Variants in PPFIA4 observed in about 807,000 individuals in gnomAD.
PPFIA4 encodes the protein PPFI scaffold protein A4.
Under a neutral mutation model 145.7 loss-of-function variants are expected in PPFIA4, and 98 were observed. That is an observed-to-expected ratio of 0.67 (90% CI 0.57 to 0.80). The LOEUF (loss-of-function observed/expected upper bound fraction) is 0.80. Ranked by LOEUF, PPFIA4 falls within the 30% of genes least tolerant of loss-of-function variation. The pLI, the probability that PPFIA4 is intolerant of heterozygous loss-of-function variation, is 0.00. For synonymous variants in PPFIA4, 628 were observed against 649.6 expected (o/e 0.97, Z 0.51); for missense variants, 1,457 against 1,632.7 (o/e 0.89, Z 1.85).
At chr1:203,064,044 G>GC in intron 25 of PPFIA4, 41 bp downstream of exon 25, 1 of 1,590,748 alleles carries the variant, frequency 6.3e-7, no homozygotes, top group Non-Finnish European at 8.6e-7. Flanking sequence ...CCTCGTGGGG[G>GC]CCTCCCCTAG....
rs189892686 is a variant in PPFIA4, at chr1:203,027,084, C to T, written c.-400+455C>T. On this transcript the variant is annotated intron_variant, in intron 1 of 29. Coordinates refer to ENST00000295706, the MANE Select transcript of PPFIA4 (RefSeq NM_001304331.2). Reference sequence around the variant, plus strand: ...GGGTCTTAATCTTTCCCGAGTTGCTCATAGCACCCCTGTTCCTGTCGCTAG... The same window carrying T: ...GGGTCTTAATCTTTCCCGAGTTGCTTATAGCACCCCTGTTCCTGTCGCTAG... 3.3e-3 allele frequency among the ~76,000 whole-genome samples: 501 copies of T among 152,346 alleles called. 2 individuals carry two copies. The highest frequency in any genetic ancestry group is 0.011 in the African/African-American group (476 of 41,584).
chr1:203,048,470 G>C lies in PPFIA4; in HGVS notation c.1225-113G>C. 6.7e-7 allele frequency: 1 copy of C among 1,499,426 alleles called. No individual in the cohort carries two copies. Among genetic ancestry groups the C allele is most frequent in the Non-Finnish European group, 9.0e-7 (1 of 1,105,462 alleles). 92.9% of individuals were successfully genotyped at this position (1,499,426 alleles called of 1,614,324 possible). A position where few individuals can be genotyped will look rare whatever the true frequency, so the allele number is the denominator to read the frequency against. On this transcript the variant is annotated intron_variant, in intron 10 of 29. Coordinates refer to ENST00000295706, the MANE Select transcript of PPFIA4 (RefSeq NM_001304331.2). The surrounding 1 kb of genome is among the most constrained non-coding windows in gnomAD (Gnocchi z 5.8). ...GAAGGGGGAGGTGGTCAGGAGACTG[G>C]AGAGAGTGGCTCCCAGAGGATGAGA...
chr1:203,036,296 G>A (rs567814687), intron 1 of PPFIA4, among the ~76,000 whole-genome samples: 1 of 152,306 alleles, frequency 6.6e-6, no homozygotes, highest in East Asian at 1.9e-4. Context: ...CTCAGTAGGT[G>A]ATAACAAGCC....
At chr1:203,058,415 G>T (rs1355273088) in intron 19 of PPFIA4, among the ~76,000 whole-genome samples, 2 of 152,178 alleles carry the variant, frequency 1.3e-5, no homozygotes, top group African/African-American at 4.8e-5. Context: ...GGGGTGAGGG[G>T]AGTTGTGGAG....
Position 203,060,499 on chromosome 1 carries a change from G to T in PPFIA4, c.2784+82G>T. ...AAGGTCTCCTGTTGGGCTTTGGGAA[G>T]ATGGCAGCATTGAGCCCTGCCCCTT... On this transcript the variant is annotated intron_variant, in intron 22 of 29. Transcript: ENST00000295706. The surrounding 1 kb of genome is among the most constrained non-coding windows in gnomAD (Gnocchi z 4.8). The T allele has an allele frequency of 6.9e-7, 1 of 1,448,374 alleles. No individual in the cohort carries two copies. Among genetic ancestry groups the T allele is most frequent in the Non-Finnish European group, 9.5e-7 (1 of 1,048,558 alleles). 89.7% of individuals were successfully genotyped at this position (1,448,374 alleles called of 1,614,324 possible).
intron 4 of PPFIA4, 103 bp downstream of exon 4, chr1:203,044,198 G>A (rs971180703): frequency 5.3e-6 from 7 of 1,330,166 alleles, no homozygotes; most frequent in African/African-American, 1.5e-5. Context: ...GGGAGCACTG[G>A]CTCCCTCCAA....
rs149348088 is a variant in PPFIA4 at position 203,045,605 on chromosome 1, G to T, written c.858+46G>T. On this transcript the variant is annotated intron_variant, in intron 7 of 29. Transcript: ENST00000295706. The stretch of plus-strand genomic sequence containing the variant: ...GCTCTGTGACCTCATTGTGGAGCGT[G>T]TGGAGGGAGAGCCAGGCAAAGGCTC... 7.4e-5 allele frequency: 111 copies of T among 1,508,574 alleles called. No homozygotes were observed. The East Asian group carries it at 2.7e-3, about 37-fold the overall frequency. 93.4% of individuals were successfully genotyped at this position (1,508,574 alleles called of 1,614,324 possible).
rs1662450004 is a variant in PPFIA4, at chr1:203,075,358, G to A, written c.3394-219G>A. 6.9e-6 allele frequency among the ~76,000 whole-genome samples: 1 copy of A among 145,416 alleles called. No homozygotes were observed. Among genetic ancestry groups the A allele is most frequent in the South Asian group, 2.4e-4 (1 of 4,106 alleles). ...CCCGCCCCACACACCCCCTCCATCC[G>A]CCACCCAGAGACAGGGAATTTCAGA... On this transcript the variant is annotated intron_variant, in intron 28 of 29. Transcript: ENST00000295706. The surrounding 1 kb of genome is among the most constrained non-coding windows in gnomAD (Gnocchi z 4.1).
Position 203,045,832 on chromosome 1 carries a change from T to G in PPFIA4, c.859-9T>G, listed in dbSNP as rs1454448886. ...TGGTTACCGTCCTTCTTGTCCCCTC[T>G]TCTCCCAGGCTCTGGCCCAGAAGGA... is the stretch of plus-strand genomic sequence containing the variant. On this transcript the variant is annotated splice_polypyrimidine_tract_variant and intron_variant, in intron 7 of 29. Transcript: ENST00000295706. 5 of 1,612,710 alleles carry G rather than the reference T, an allele frequency of 3.1e-6. No homozygotes were observed. In the Admixed American group the frequency reaches 5.0e-5, roughly 16 times the overall value.
chr1:203,030,385 G>A (rs539039358), intron 1 of PPFIA4, among the ~76,000 whole-genome samples: 6 of 152,302 alleles, frequency 3.9e-5, no homozygotes, highest in Non-Finnish European at 7.4e-5. Context: ...GAGTGGGGCC[G>A]GGCCTGGAGC....
At chr1:203,031,782 A>G (rs1306963827) in intron 1 of PPFIA4, among the ~76,000 whole-genome samples, 2 of 152,196 alleles carry the variant, frequency 1.3e-5, no homozygotes, top group African/African-American at 2.4e-5. Flanking sequence ...TTCTGCAAAC[A>G]TTATTTGAGG....
intron 18 of PPFIA4, 79 bp downstream of exon 18, chr1:203,056,587 C>A: frequency 6.6e-7 from 1 of 1,525,714 alleles, no homozygotes; most frequent in South Asian, 1.2e-5. Flanking sequence ...GCAGGGACCG[C>A]ATCTCCCCTG....
rs1029007867 is a variant in PPFIA4, at chr1:203,048,767, G to C, written c.1356+53G>C. ...GAGAGGTTAGTGCTGGGTGTGGGGC[G>C]GGGGGAGGCGGGACTGTGATGGGCG... On this transcript the variant is annotated intron_variant, in intron 11 of 29. Coordinates refer to ENST00000295706, the MANE Select transcript of PPFIA4 (RefSeq NM_001304331.2). This position sits in a 1 kb window ranked among gnomAD's most constrained non-coding sequence, Gnocchi z 5.8. 17 of 1,574,788 alleles carry C rather than the reference G, an allele frequency of 1.1e-5. No homozygotes were observed. Among genetic ancestry groups the C allele is most frequent in the Middle Eastern group, 2.2e-4 (1 of 4,550 alleles).
chr1:203,047,467 T>C (rs2102640309), intron 9 of PPFIA4, among the ~76,000 whole-genome samples: 1 of 152,276 alleles, frequency 6.6e-6, no homozygotes, highest in African/African-American at 2.4e-5. Flanking sequence ...AAATGATTAA[T>C]ACAGTCAAGT....
At chr1:203,064,388 G>A (rs1661589060) in intron 25 of PPFIA4, among the ~76,000 whole-genome samples, 1 of 152,212 alleles carries the variant, frequency 6.6e-6, no homozygotes, top group South Asian at 2.1e-4. Flanking sequence ...GTTCAATTTA[G>A]GTGTCTCATT....
chr1:203,062,653 C>T (rs1661472208), intron 24 of PPFIA4, among the ~76,000 whole-genome samples: 1 of 152,042 alleles, frequency 6.6e-6, no homozygotes, highest in Non-Finnish European at 1.5e-5. Flanking sequence ...TGCCATAAAA[C>T]ACCCTTGGCA....
In PPFIA4 at chr1:203,075,810, T is replaced by A. The variant is rs970054584; in HGVS notation, c.3574+53T>A. 3 of 1,342,936 alleles carry A rather than the reference T, an allele frequency of 2.2e-6. No homozygotes were observed. In the East Asian group the frequency reaches 9.3e-5, roughly 42 times the overall value. The allele number at this position is 1,342,936 out of a possible 1,614,324, so 83.2% of individuals were successfully genotyped here. Reference sequence around the variant, plus strand: ...CGAGGCCCAGCCGAGCGCGGGCTTCTTCCTGGCACCCCAGGGCCGGGCCGG... The same window carrying A: ...CGAGGCCCAGCCGAGCGCGGGCTTCATCCTGGCACCCCAGGGCCGGGCCGG... On this transcript the variant is annotated intron_variant, in intron 29 of 29. Coordinates refer to ENST00000295706, the MANE Select transcript of PPFIA4 (RefSeq NM_001304331.2). The surrounding 1 kb of genome is among the most constrained non-coding windows in gnomAD (Gnocchi z 4.1).
chr1:203,045,580 G>T (rs1364957596), intron 7 of PPFIA4, 21 bp downstream of exon 7: 2 of 1,550,194 alleles, frequency 1.3e-6, no homozygotes. Flanking sequence ...GCGCAGGCCT[G>T]CTCTGTGACC....
At position 203,068,446 on chromosome 1, in the gene PPFIA4, A is replaced by C; in HGVS notation, c.3149-7A>C. On this transcript the variant is annotated splice_polypyrimidine_tract_variant and splice_region_variant and intron_variant, in intron 26 of 29. Coordinates refer to ENST00000295706, the MANE Select transcript of PPFIA4 (RefSeq NM_001304331.2). This position sits in a 1 kb window ranked among gnomAD's most constrained non-coding sequence, Gnocchi z 4.7. ...CCTTCCGTCCCTTTTCTTCCCCCAC[A>C]CTCCAGATGTGTTAGTCTGGACCAA... 1.3e-6 allele frequency: 2 copies of C among 1,583,458 alleles called. No individual in the cohort carries two copies. The highest frequency in any genetic ancestry group is 1.7e-6 in the Non-Finnish European group (2 of 1,166,146).
Sources: gnomAD v4.1 joint callset for allele counts (sites outside exome capture counted in the v4.1 genomes callset) on GRCh38, gnomAD v4.1.1 for gene constraint, Gnocchi (gnomAD v3.1) non-coding constraint, MANE v1.5 for transcripts, NCBI Gene and HGNC (gene_info 2026-07-23, HGNC 2026-07-21) for gene names.